The following GPC6 variants were observed in gnomAD, a reference collection of about 807,000 sequenced individuals.
The protein encoded by GPC6 is glypican-6.
GPC6 carries 14 observed loss-of-function variants against 55.2 expected under a neutral mutation model. That is an observed-to-expected ratio of 0.25 (90% confidence interval 0.17 to 0.40). The LOEUF (loss-of-function observed/expected upper bound fraction) is 0.40. Ranked by LOEUF, GPC6 falls within the 10% of genes least tolerant of loss-of-function variation. GPC6 has a pLI of 1.00. For synonymous variants in GPC6, 278 were observed against 259.6 expected (o/e 1.07, Z -0.68); for missense variants, 641 against 708.5 (o/e 0.90, Z 1.08).
intron 1 of GPC6, among the ~76,000 whole-genome samples, chr13:93,270,474 C>G (rs569918636): frequency 2.0e-5 from 3 of 151,878 alleles, no homozygotes; most frequent in Non-Finnish European, 2.9e-5. Flanking sequence ...GCTTTTTACT[C>G]CACTTAACAG....
chr13:93,292,370 A>G (rs1326310949), intron 1 of GPC6, among the ~76,000 whole-genome samples: 1 of 152,192 alleles, frequency 6.6e-6, no homozygotes, highest in Non-Finnish European at 1.5e-5. Flanking sequence ...TTTAAGGGAG[A>G]GATGCTTTCT....
chr13:93,356,850 G>C (rs968613181), intron 1 of GPC6, among the ~76,000 whole-genome samples: 7 of 152,110 alleles, frequency 4.6e-5, no homozygotes, highest in Admixed American at 4.6e-4. Flanking sequence ...TTGACTTGTT[G>C]GGAGATGGAT....
In GPC6 at chr13:93,454,041, G is replaced by C. The variant is rs2999499; in HGVS notation, c.161-91222G>C. Reference sequence around the variant, plus strand: ...CCTGAGCTAGACATAAAGGTTCTCCGTGTCCCCACCAGATTAGTTAGATAC... The same window carrying C: ...CCTGAGCTAGACATAAAGGTTCTCCCTGTCCCCACCAGATTAGTTAGATAC... On this transcript the variant is annotated intron_variant, in intron 1 of 8. Transcript: ENST00000377047. Among the ~76,000 whole-genome samples the C allele has an allele frequency of 5.3e-5, 8 of 151,826 alleles. No individual in the cohort carries two copies. The South Asian group carries it at 1.2e-3, about 24-fold the overall frequency.
intron 1 of GPC6, among the ~76,000 whole-genome samples, chr13:93,245,898 A>G (rs1251800627): frequency 1.3e-5 from 2 of 152,222 alleles, no homozygotes; most frequent in South Asian, 2.1e-4. Flanking sequence ...AAAGAGGCCA[A>G]CGATTCTTCT....
intron 2 of GPC6, among the ~76,000 whole-genome samples, chr13:93,596,255 A>T (rs1318522483): frequency 2.0e-5 from 3 of 152,112 alleles, no homozygotes; most frequent in Non-Finnish European, 4.4e-5. Context: ...AGTTCAATAG[A>T]GTGTTCGTGT....
chr13:93,296,649 C>T (rs1456136041), intron 1 of GPC6, among the ~76,000 whole-genome samples: 3 of 152,276 alleles, frequency 2.0e-5, no homozygotes, highest in East Asian at 3.9e-4. Flanking sequence ...AGTCTCCATT[C>T]CTTCTCCTCT....
chr13:93,496,319 G>A (rs1053450441), intron 1 of GPC6, among the ~76,000 whole-genome samples: 15 of 152,130 alleles, frequency 9.9e-5, no homozygotes, highest in East Asian at 1.9e-4. Flanking sequence ...TCTTTGACTC[G>A]GAAAAGGAAC....
intron 2 of GPC6, among the ~76,000 whole-genome samples, chr13:93,704,813 A>G (rs142941882): frequency 1.8e-4 from 27 of 152,034 alleles, no homozygotes; most frequent in Admixed American, 1.1e-3. Context: ...GGCTGAGTCT[A>G]TTCTTATAAG....
intron 3 of GPC6, among the ~76,000 whole-genome samples, chr13:93,878,734 A>G (rs555793712): frequency 4.6e-5 from 7 of 152,194 alleles, no homozygotes; most frequent in Admixed American, 6.5e-5. Flanking sequence ...TCATCTTGGA[A>G]GCAGAGACTG....
At chr13:93,512,933 A>C (rs967039385) in intron 1 of GPC6, among the ~76,000 whole-genome samples, 3 of 152,194 alleles carry the variant, frequency 2.0e-5, no homozygotes, top group African/African-American at 7.2e-5. Context: ...GTATATATGA[A>C]AATCAGATTT....
Position 94,403,024 on chromosome 13 carries a change from C to A in GPC6, c.1475C>A (p.Ser492Tyr), listed in dbSNP as rs1881212126. 6.2e-7 allele frequency: 1 copy of A among 1,609,966 alleles called. No homozygotes were observed. The highest frequency in any genetic ancestry group is 8.5e-7 in the Non-Finnish European group (1 of 1,176,202). The change falls in exon 9 of 9, where the codon TCC becomes TAC. Residue 492 changes from serine (S) to tyrosine (Y), a missense_variant. Ser to Tyr is a moderately radical substitution (Grantham distance 144). Transcript: ENST00000377047. ...AATCTTTCCACACTAGGTGATGAAT[C>A]CAGTGGCTCAGGGAGTGGCAGTGGG... ...DVNFQDTSDE[S>Y]SGSGSGSGCM... is the part of the protein sequence containing the mutation.
At chr13:93,285,510 T>A (rs950790219) in intron 1 of GPC6, among the ~76,000 whole-genome samples, 41 of 152,132 alleles carry the variant, frequency 2.7e-4, no homozygotes, top group Non-Finnish European at 1.0e-4. Context: ...TTATATACAG[T>A]ATTTAACATA....
intron 5 of GPC6, among the ~76,000 whole-genome samples, chr13:94,299,663 A>G (rs1875538666): frequency 6.6e-6 from 1 of 152,198 alleles, no homozygotes; most frequent in African/African-American, 2.4e-5. Context: ...CCAGATACCA[A>G]ATCTGTTGGC....
At chr13:93,851,847 C>T (rs1048406284) in intron 3 of GPC6, among the ~76,000 whole-genome samples, 1 of 151,640 alleles carries the variant, frequency 6.6e-6, no homozygotes, top group African/African-American at 2.4e-5. Flanking sequence ...AATTCTAGGT[C>T]ACTGAGCTTC....
chr13:93,428,072 G>A (rs565433319), intron 1 of GPC6, among the ~76,000 whole-genome samples: 3 of 152,206 alleles, frequency 2.0e-5, no homozygotes, highest in Admixed American at 2.0e-4. Flanking sequence ...TTCTAGGTTT[G>A]AACCTCGTAC....
intron 6 of GPC6, among the ~76,000 whole-genome samples, chr13:94,379,974 C>A (rs1880083615): frequency 6.6e-6 from 1 of 152,104 alleles, no homozygotes. Context: ...GCTGGGGACC[C>A]AAGAACGCAC....
At chr13:93,324,538 ATG>A (rs372226917) in intron 1 of GPC6, among the ~76,000 whole-genome samples, 3 of 135,542 alleles carry the variant, frequency 2.2e-5, no homozygotes, top group East Asian at 2.6e-4. Flanking sequence ...TCATGTATGT[ATG>A]TGTGTATATA....
chr13:93,779,176 G>C (rs544848140), intron 2 of GPC6, among the ~76,000 whole-genome samples: 1 of 152,192 alleles, frequency 6.6e-6, no homozygotes, highest in East Asian at 1.9e-4. Flanking sequence ...TGTTTCTCGA[G>C]AGAAAGGACT....
chr13:94,123,653 T>G (rs1886710515), intron 4 of GPC6, among the ~76,000 whole-genome samples: 1 of 151,956 alleles, frequency 6.6e-6, no homozygotes, highest in South Asian at 2.1e-4. Context: ...ATCTTTGAGC[T>G]CTTAAGCAAC....
Sources: allele counts gnomAD v4.1 joint callset (sites outside exome capture counted in the v4.1 genomes callset), GRCh38; gene constraint gnomAD v4.1.1; transcripts MANE v1.5; gene names NCBI Gene and HGNC (gene_info 2026-07-23, HGNC 2026-07-21).